Variants in CACNA1C observed in about 807,000 individuals in gnomAD.
CACNA1C encodes the protein voltage-dependent L-type calcium channel subunit alpha-1C.
A neutral mutation model predicts 229.0 loss-of-function variants in CACNA1C; 30 were observed. The ratio of observed to expected loss-of-function variants is 0.13; its 90% CI spans 0.10 to 0.18. The LOEUF (loss-of-function observed/expected upper bound fraction) is 0.18, where lower values mean the gene tolerates loss of function less well. Ranked by LOEUF, CACNA1C falls within the 10% of genes least tolerant of loss-of-function variation. The probability of loss-of-function intolerance (pLI) is 1.00; values close to 1 mark genes in which losing one functional copy is unlikely to be tolerated. For synonymous variants in CACNA1C, 1,114 were observed against 1,132.5 expected, an observed-to-expected ratio of 0.98 and a Z score of 0.33; for missense variants, 1,658 against 2,845.0, an observed-to-expected ratio of 0.58 and a Z score of 9.49.
At chr12:2,357,518 C>T (rs1236204710) in intron 3 of CACNA1C, among the ~76,000 whole-genome samples, 1 of 152,106 alleles carries the variant, frequency 6.6e-6, no homozygotes, top group African/African-American at 2.4e-5. Context: ...GTGAGTAATC[C>T]TCTCTCTAGC....
chr12:2,447,106 CTG>C (rs2099303698), intron 3 of CACNA1C, among the ~76,000 whole-genome samples: 1 of 152,164 alleles, frequency 6.6e-6, no homozygotes, highest in African/African-American at 2.4e-5. Context: ...GGCTAAGGGG[CTG>C]TGTGACAGCT....
At chr12:2,158,570 G>T (rs1172932132) in intron 3 of CACNA1C, among the ~76,000 whole-genome samples, 1 of 152,100 alleles carries the variant, frequency 6.6e-6, no homozygotes, top group Non-Finnish European at 1.5e-5. Context: ...TATTACAAAA[G>T]GTCAGGAATC....
chr12:2,250,542 G>A (rs1330485022), intron 3 of CACNA1C, among the ~76,000 whole-genome samples: 2 of 152,162 alleles, frequency 1.3e-5, no homozygotes, highest in Non-Finnish European at 2.9e-5. Flanking sequence ...GACAAACTGG[G>A]TGATGGCCTA....
intron 3 of CACNA1C, among the ~76,000 whole-genome samples, chr12:2,336,988 G>A (rs2096716221): frequency 6.6e-6 from 1 of 152,276 alleles, no homozygotes; most frequent in South Asian, 2.1e-4. Flanking sequence ...GAAATGCTAT[G>A]GAATTCATTC....
chr12:2,151,939 C>G (rs540825353), intron 3 of CACNA1C, among the ~76,000 whole-genome samples: 1 of 152,336 alleles, frequency 6.6e-6, no homozygotes, highest in South Asian at 2.1e-4. Flanking sequence ...TCTGGGAGAT[C>G]TGAACCAAGC....
At chr12:1,993,782 TA>T (rs2040119943) in intron 1 of CACNA1C, among the ~76,000 whole-genome samples, 1 of 152,210 alleles carries the variant, frequency 6.6e-6, no homozygotes, top group Non-Finnish European at 1.5e-5. Context: ...AAAGATATTT[TA>T]AACAATCTTG....
chr12:2,444,149 A>T (rs1187861277), intron 3 of CACNA1C, among the ~76,000 whole-genome samples: 2 of 152,148 alleles, frequency 1.3e-5, no homozygotes, highest in African/African-American at 4.8e-5. Context: ...GTCTCTGGGG[A>T]TAAGTGGTAC....
chr12:2,663,896 C>T (rs1052856459), intron 34 of CACNA1C, among the ~76,000 whole-genome samples: 2 of 152,130 alleles, frequency 1.3e-5, no homozygotes, highest in Non-Finnish European at 1.5e-5. Flanking sequence ...CGCCCACCAC[C>T]GCGCCCGGCT....
intron 8 of CACNA1C, among the ~76,000 whole-genome samples, chr12:2,511,604 A>G (rs545133543): frequency 2.5e-4 from 38 of 152,268 alleles, no homozygotes; most frequent in African/African-American, 8.9e-4. Flanking sequence ...ATACACACAT[A>G]CATGCACCAC....
chr12:2,618,180 C>T (rs1206963508), intron 29 of CACNA1C, among the ~76,000 whole-genome samples: 1 of 152,206 alleles, frequency 6.6e-6, no homozygotes, highest in African/African-American at 2.4e-5. Context: ...ATTCCCCTGG[C>T]AGGTGGAGAA....
chr12:2,611,760 C>T (rs530177116), intron 28 of CACNA1C, 143 bp from the exon 29 acceptor site: 29 of 605,326 alleles, frequency 4.8e-5, no homozygotes, highest in Admixed American at 2.2e-4. Flanking sequence ...TGACTGCCCA[C>T]GGAGAGGTGG....
At chr12:2,617,056 C>G (rs1476479189) in intron 29 of CACNA1C, among the ~76,000 whole-genome samples, 1 of 152,224 alleles carries the variant, frequency 6.6e-6, no homozygotes, top group South Asian at 2.1e-4. Context: ...TGTTATCTTT[C>G]AGGAAAGAGG....
At chr12:2,247,445 C>G (rs942353477) in intron 3 of CACNA1C, among the ~76,000 whole-genome samples, 2 of 152,198 alleles carry the variant, frequency 1.3e-5, no homozygotes, top group Non-Finnish European at 2.9e-5. Context: ...TGGGGAAATT[C>G]CTCACAGCTT....
rs2050812300 is a variant in CACNA1C, at chr12:2,566,235, A to T, written c.1509-187A>T. Among the ~76,000 whole-genome samples, 1 of 152,230 alleles carries T rather than the reference A, an allele frequency of 6.6e-6. No individual in the cohort carries two copies. Among genetic ancestry groups the T allele is most frequent in the South Asian group, 2.1e-4 (1 of 4,824 alleles). On this transcript the variant is annotated intron_variant, in intron 11 of 46. Coordinates refer to ENST00000399655, the MANE Select transcript of CACNA1C (RefSeq NM_000719.7). The surrounding 1 kb of genome is among the most constrained non-coding windows in gnomAD (Gnocchi z 4.0). ...GGAGAACTGAAGCTTGGAGGAGTTC[A>T]GGGGCATCCCCAAGGCGGCAGGGCC... is the stretch of plus-strand genomic sequence containing the variant.
intron 3 of CACNA1C, among the ~76,000 whole-genome samples, chr12:2,250,395 C>T (rs888522958): frequency 6.6e-6 from 1 of 152,220 alleles, no homozygotes; most frequent in Non-Finnish European, 1.5e-5. Context: ...AGGCCAAGAC[C>T]CTCTCTCCAT....
rs574616322 is a variant in CACNA1C, at chr12:2,602,569, GTATGTATGTGCA to G, written c.2960+620_2960+631del. On this transcript the variant is annotated intron_variant, in intron 22 of 46. Transcript: ENST00000399655. The surrounding 1 kb of genome is among the most constrained non-coding windows in gnomAD (Gnocchi z 4.4). The stretch of plus-strand genomic sequence containing the variant: ...TGTCTATGGACGTGAATGTATATGT[GTATGTATGTGCA>G]TATGTATGTGTGAGTGCATGTATGT... Among the ~76,000 whole-genome samples, 1 of 151,866 alleles carries G rather than the reference GTATGTATGTGCA, an allele frequency of 6.6e-6. No homozygotes were observed. The highest frequency in any genetic ancestry group is 1.5e-5 in the Non-Finnish European group (1 of 67,974).
rs570041743 is a variant in CACNA1C at position 2,469,371 on chromosome 12, G to A, written c.757+11665G>A. Among the ~76,000 whole-genome samples, 30 of 152,324 alleles carry A rather than the reference G, an allele frequency of 2.0e-4. No homozygotes were observed. In the South Asian group the frequency reaches 2.7e-3, roughly 14 times the overall value. ...GCCACGCGACACGAGCCACCAGTCC[G>A]TTTCTTCATCTATGCCGCATTGTGT... is the stretch of plus-strand genomic sequence containing the variant. On this transcript the variant is annotated intron_variant, in intron 5 of 46. Coordinates refer to ENST00000399655, the MANE Select transcript of CACNA1C (RefSeq NM_000719.7).
At chr12:2,429,686 A>G (rs1288054927) in intron 3 of CACNA1C, among the ~76,000 whole-genome samples, 2 of 152,120 alleles carry the variant, frequency 1.3e-5, no homozygotes, top group African/African-American at 4.8e-5. Flanking sequence ...TGGCTTTGTA[A>G]GTTAAGTTCA....
At chr12:2,263,051 T>C (rs1196835585) in intron 3 of CACNA1C, among the ~76,000 whole-genome samples, 1 of 152,082 alleles carries the variant, frequency 6.6e-6, no homozygotes, top group African/African-American at 2.4e-5. Flanking sequence ...GGGATGGAGA[T>C]AGGGTGCTTC....
Sources: allele counts gnomAD v4.1 joint callset (sites outside exome capture counted in the v4.1 genomes callset), GRCh38; gene constraint gnomAD v4.1.1; non-coding constraint Gnocchi (gnomAD v3.1); transcripts MANE v1.5; gene names NCBI Gene and HGNC (gene_info 2026-07-23, HGNC 2026-07-21).